The following KANK1 variants were observed in gnomAD, a reference collection of about 807,000 sequenced individuals.
KANK1 encodes the protein KN motif and ankyrin repeat domains 1.
Under a neutral mutation model 106.2 loss-of-function variants are expected in KANK1, and 109 were observed. The ratio of observed to expected loss-of-function variants is 1.03; its 90% CI spans 0.88 to 1.20. The LOEUF (loss-of-function observed/expected upper bound fraction) is 1.20, where lower values mean the gene tolerates loss of function less well. Ranked by LOEUF, KANK1 falls within the 50% of genes most tolerant of loss-of-function variation. The pLI is 0.00. For synonymous variants in KANK1, 873 were observed against 652.2 expected (o/e 1.34, Z -5.16); for missense variants, 2,399 against 1,710.7 (o/e 1.40, Z -7.10).
At chr9:647,308 T>TA (rs1198226615) in intron 1 of KANK1, among the ~76,000 whole-genome samples, 1 of 151,008 alleles carries the variant, frequency 6.6e-6, no homozygotes, top group Non-Finnish European at 1.5e-5. Context: ...CTGGGTAAGA[T>TA]ATGTCATTAT....
At chr9:518,152 C>G (rs1004624718) in intron 1 of KANK1, among the ~76,000 whole-genome samples, 1 of 151,824 alleles carries the variant, frequency 6.6e-6, no homozygotes, top group Non-Finnish European at 1.5e-5. Context: ...GGAGGAAACA[C>G]TGCTAAAGGG....
intron 3 of KANK1, among the ~76,000 whole-genome samples, chr9:479,133 G>A (rs904954129): frequency 1.3e-5 from 2 of 152,158 alleles, no homozygotes; most frequent in Non-Finnish European, 2.9e-5. Flanking sequence ...TAACTGCAAT[G>A]CATATCAGTC....
intron 3 of KANK1, among the ~76,000 whole-genome samples, chr9:479,008 C>T (rs1168577159): frequency 6.6e-6 from 1 of 151,576 alleles, no homozygotes; most frequent in Admixed American, 6.6e-5. Context: ...ACCTTCGCCT[C>T]CTGGGTTTCA....
At chr9:735,249 C>A (rs1833455867) in intron 7 of KANK1, among the ~76,000 whole-genome samples, 1 of 152,122 alleles carries the variant, frequency 6.6e-6, no homozygotes, top group Non-Finnish European at 1.5e-5. Context: ...GAGCCAAGGT[C>A]AGCATTCCTT....
At chr9:629,176 A>C (rs532012761) in intron 1 of KANK1, among the ~76,000 whole-genome samples, 2 of 152,170 alleles carry the variant, frequency 1.3e-5, no homozygotes, top group Non-Finnish European at 2.9e-5. Flanking sequence ...GATCTGATAA[A>C]ATGCAGTGTT....
intron 1 of KANK1, among the ~76,000 whole-genome samples, chr9:670,233 C>G: frequency 6.6e-6 from 1 of 152,058 alleles, no homozygotes; most frequent in East Asian, 1.9e-4. Flanking sequence ...TCACTGGTTC[C>G]TTGCTTTATA....
chr9:508,056 A>G (rs568763718), intron 1 of KANK1, among the ~76,000 whole-genome samples: 2 of 144,884 alleles, frequency 1.4e-5, no homozygotes, highest in African/African-American at 5.0e-5. Flanking sequence ...TCGTGACGTC[A>G]GGTTATCCAT....
rs114947217 is a variant in KANK1, at chr9:711,623, T to A, written c.857T>A (p.Val286Glu). The change falls in exon 3 of 12, where the codon GTG becomes GAG. Residue 286 changes from valine (V) to glutamate (E), a missense_variant. Physicochemically the swap from Val to Glu is moderately radical, Grantham distance 121 (BLOSUM62 -2). Transcript: ENST00000382297. ...GAGGAGCAGGTGCGAACCATCCCTG[T>A]GCTCCAGGTAAAGATCTCTGTCTTG... ...ELEEQVRTIP[V>E]LQVKISVLQE... 193 of 1,614,104 alleles carry A rather than the reference T, an allele frequency of 1.2e-4. 1 individual carries two copies. The East Asian group carries it at 2.2e-3, about 18-fold the overall frequency.
At chr9:677,114 C>G (rs1031459550) in intron 2 of KANK1, 105 bp downstream of exon 2, 37 of 1,053,328 alleles carry the variant, frequency 3.5e-5, no homozygotes, top group African/African-American at 4.9e-5. Context: ...GCCTAGATAA[C>G]TAGGATTTCA....
At chr9:480,165 G>A (rs933788095) in intron 3 of KANK1, among the ~76,000 whole-genome samples, 1 of 152,224 alleles carries the variant, frequency 6.6e-6, no homozygotes, top group African/African-American at 2.4e-5. Flanking sequence ...GCATAAAGCT[G>A]TGAAAATGTC....
At chr9:656,732 C>G (rs1021294749) in intron 1 of KANK1, among the ~76,000 whole-genome samples, 6 of 151,982 alleles carry the variant, frequency 3.9e-5, no homozygotes, top group Non-Finnish European at 8.8e-5. Flanking sequence ...GAGCCTGTGA[C>G]AATAAAAAAG....
chr9:721,765 T>C (rs1281512837), intron 3 of KANK1, among the ~76,000 whole-genome samples: 1 of 152,236 alleles, frequency 6.6e-6, no homozygotes, highest in Non-Finnish European at 1.5e-5. Flanking sequence ...GGCTTACTAT[T>C]AATCTTACAG....
chr9:538,886 A>C (rs1468205663), intron 1 of KANK1, among the ~76,000 whole-genome samples: 2 of 151,710 alleles, frequency 1.3e-5, no homozygotes, highest in Admixed American at 1.3e-4. Context: ...TTTGTTTTTT[A>C]TTTATTTATT....
At chr9:704,877 C>G (rs1321920872) in intron 2 of KANK1, among the ~76,000 whole-genome samples, 1 of 151,132 alleles carries the variant, frequency 6.6e-6, no homozygotes, top group African/African-American at 2.4e-5. Flanking sequence ...CTATAGTTCC[C>G]AGCTACTCAG....
At chr9:678,790 T>G (rs1364129444) in intron 2 of KANK1, among the ~76,000 whole-genome samples, 1 of 152,090 alleles carries the variant, frequency 6.6e-6, no homozygotes, top group Non-Finnish European at 1.5e-5. Flanking sequence ...AGAGAGGAGA[T>G]TGAAACATTA....
chr9:635,456 T>G (rs993190134), intron 1 of KANK1, among the ~76,000 whole-genome samples: 1 of 152,146 alleles, frequency 6.6e-6, no homozygotes, highest in Non-Finnish European at 1.5e-5. Context: ...CTGACTTTAT[T>G]TGTGCAAACC....
At chr9:684,691 T>G in intron 2 of KANK1, 3 of 538,430 alleles carry the variant, frequency 5.6e-6, no homozygotes, top group Non-Finnish European at 7.0e-6. Context: ...AGGGTTTGCC[T>G]TCTTCCTGTG....
chr9:531,886 T>G (rs571734847), intron 1 of KANK1, among the ~76,000 whole-genome samples: 1 of 152,192 alleles, frequency 6.6e-6, no homozygotes, highest in Non-Finnish European at 1.5e-5. Flanking sequence ...ATTGTTGTTG[T>G]GTTACATTGT....
intron 3 of KANK1, among the ~76,000 whole-genome samples, chr9:729,066 C>A (rs141566728): frequency 6.6e-6 from 1 of 152,288 alleles, no homozygotes; most frequent in Non-Finnish European, 1.5e-5. Context: ...GAGTAAACCT[C>A]TTTTTTACAG....
Sources: gnomAD v4.1 joint callset for allele counts (sites outside exome capture counted in the v4.1 genomes callset) on GRCh38, gnomAD v4.1.1 for gene constraint, MANE v1.5 for transcripts, NCBI Gene and HGNC (gene_info 2026-07-23, HGNC 2026-07-21) for gene names.